Variants in SH3RF3 observed in about 807,000 individuals in gnomAD.
SH3RF3 encodes E3 ubiquitin-protein ligase SH3RF3.
SH3RF3 carries 29 observed loss-of-function variants against 66.3 expected under a neutral mutation model. The ratio of observed to expected loss-of-function variants is 0.44; its 90% CI spans 0.33 to 0.60. The LOEUF (loss-of-function observed/expected upper bound fraction) is 0.60. SH3RF3 is among the 20% of genes least tolerant of loss of function. The pLI, the probability that SH3RF3 is intolerant of heterozygous loss-of-function variation, is 0.04. For missense variants in SH3RF3, 1,194 were observed against 1,190.9 expected (o/e 1.00, Z -0.04); for synonymous variants, 583 against 532.0 (o/e 1.10, Z -1.32).
At chr2:109,419,322 G>T (rs1212107117) in intron 4 of SH3RF3, among the ~76,000 whole-genome samples, 2 of 152,182 alleles carry the variant, frequency 1.3e-5, no homozygotes. Context: ...TCCCTGAGCT[G>T]CTGGGAAGGG....
chr2:109,477,925 T>C (rs1198267820), intron 8 of SH3RF3, among the ~76,000 whole-genome samples: 2 of 152,202 alleles, frequency 1.3e-5, no homozygotes, highest in African/African-American at 4.8e-5. Flanking sequence ...ACCCTTGGCA[T>C]GGACCTGCAG....
intron 1 of SH3RF3, among the ~76,000 whole-genome samples, chr2:109,249,465 T>TCC (rs1680004644): frequency 8.0e-6 from 1 of 125,646 alleles, no homozygotes; most frequent in Admixed American, 8.2e-5. Flanking sequence ...CTTTCTCTCT[T>TCC]TCTCTTTCTT....
chr2:109,288,330 G>T (rs571150511), intron 1 of SH3RF3, among the ~76,000 whole-genome samples: 1 of 152,194 alleles, frequency 6.6e-6, no homozygotes, highest in Non-Finnish European at 1.5e-5. Flanking sequence ...CCGGGGAGTT[G>T]CCCATAGTTC....
intron 3 of SH3RF3, among the ~76,000 whole-genome samples, chr2:109,381,545 C>A (rs1211575654): frequency 6.6e-6 from 1 of 152,098 alleles, no homozygotes; most frequent in African/African-American, 2.4e-5. Flanking sequence ...TGCCCTGACT[C>A]AGCTTCCAGT....
intron 1 of SH3RF3, among the ~76,000 whole-genome samples, chr2:109,246,349 CCA>C (rs1243354733): frequency 1.3e-5 from 2 of 152,134 alleles, no homozygotes; most frequent in Non-Finnish European, 2.9e-5. Flanking sequence ...CTGTGTCCTC[CCA>C]TGGTAGAGGG....
intron 3 of SH3RF3, among the ~76,000 whole-genome samples, chr2:109,394,929 G>A (rs1189333235): frequency 2.0e-5 from 3 of 152,252 alleles, no homozygotes; most frequent in Admixed American, 6.5e-5. Context: ...CCGCCGTCCC[G>A]CACAGGCACT....
At chr2:109,476,444 C>G (rs1678685502) in intron 8 of SH3RF3, among the ~76,000 whole-genome samples, 1 of 152,214 alleles carries the variant, frequency 6.6e-6, no homozygotes, top group African/African-American at 2.4e-5. Context: ...TAGTAGTACT[C>G]AAATCCCATC....
intron 8 of SH3RF3, among the ~76,000 whole-genome samples, chr2:109,465,349 G>T (rs1207091711): frequency 1.3e-5 from 2 of 152,204 alleles, no homozygotes; most frequent in African/African-American, 2.4e-5. Flanking sequence ...TTAGGAGTAT[G>T]TAAGAGTATG....
chr2:109,276,992 G>A lies in SH3RF3; in HGVS notation c.574-70682G>A, dbSNP rs148639050. 4.1e-3 allele frequency among the ~76,000 whole-genome samples: 629 copies of A among 152,234 alleles called. 2 individuals carry two copies. The highest frequency in any genetic ancestry group is 0.014 in the African/African-American group (585 of 41,542). ...GGCTTCTCCCTGAAAGGAGCAGTGG[G>A]CAAATGGACAGAATCAACAGACTTC... On this transcript the variant is annotated intron_variant, in intron 1 of 9. Transcript: ENST00000309415.
intron 1 of SH3RF3, among the ~76,000 whole-genome samples, chr2:109,164,650 A>G (rs960915534): frequency 9.2e-5 from 14 of 152,198 alleles, no homozygotes; most frequent in South Asian, 6.2e-4. Context: ...GGAGGGGGAA[A>G]AAAGAGCACT....
At chr2:109,170,244 T>TTCTCTTCTCTTCTCTTCTTCTC (rs1677733451) in intron 1 of SH3RF3, among the ~76,000 whole-genome samples, 1 of 32,966 alleles carries the variant, frequency 3.0e-5, no homozygotes, top group African/African-American at 1.1e-4. Context: ...CTTCTTTTCT[T>TTCTCTTCTCTTCTCTTCTTCTC]TTCTCTTCTC....
rs1044691181 is a variant in SH3RF3, at chr2:109,335,830, A to C, written c.574-11844A>C. ...CTTACGCGGCTGTAGAGAGGATAAG[A>C]ATGAAAGTTAAATAAAGCCTATGAA... On this transcript the variant is annotated intron_variant, in intron 1 of 9. Transcript: ENST00000309415. Among the ~76,000 whole-genome samples, 6 of 152,330 alleles carry C rather than the reference A, an allele frequency of 3.9e-5. No homozygotes were observed. In the South Asian group the frequency reaches 1.2e-3, roughly 32 times the overall value.
chr2:109,267,981 G>T (rs894994987), intron 1 of SH3RF3, among the ~76,000 whole-genome samples: 3 of 151,968 alleles, frequency 2.0e-5, no homozygotes, highest in Non-Finnish European at 4.4e-5. Context: ...TGCTGCAGTT[G>T]TGCGGGTGAA....
At chr2:109,168,529 ATCT>A (rs1558937238) in intron 1 of SH3RF3, among the ~76,000 whole-genome samples, 1 of 152,356 alleles carries the variant, frequency 6.6e-6, no homozygotes, top group African/African-American at 2.4e-5. Flanking sequence ...CTTCTGCAAC[ATCT>A]TCTTACACTT....
chr2:109,484,682 GA>G (rs756655678), intron 8 of SH3RF3, among the ~76,000 whole-genome samples: 5 of 152,126 alleles, frequency 3.3e-5, no homozygotes, highest in Non-Finnish European at 7.4e-5. Context: ...AAATTAAAAA[GA>G]AACTCACAAG....
intron 5 of SH3RF3, among the ~76,000 whole-genome samples, chr2:109,430,664 G>GC (rs1677183323): frequency 6.6e-6 from 1 of 152,148 alleles, no homozygotes; most frequent in African/African-American, 2.4e-5. Flanking sequence ...TTTTCCCTTA[G>GC]TGGTATTTCC....
At chr2:109,258,838 C>T (rs1012350325) in intron 1 of SH3RF3, among the ~76,000 whole-genome samples, 10 of 152,308 alleles carry the variant, frequency 6.6e-5, no homozygotes, top group African/African-American at 1.4e-4. Context: ...GGGGCAGTGA[C>T]CTGTGCTGAT....
intron 8 of SH3RF3, among the ~76,000 whole-genome samples, chr2:109,452,995 GCTGGTCCCCGGGAAA>G (rs1677931002): frequency 6.6e-6 from 1 of 151,666 alleles, no homozygotes; most frequent in Admixed American, 6.6e-5. Context: ...TTCCCGGGAG[GCTGGTCCCCGGGAAA>G]CTGGTCCCCG....
At chr2:109,321,698 A>G (rs1432417359) in intron 1 of SH3RF3, among the ~76,000 whole-genome samples, 1 of 152,190 alleles carries the variant, frequency 6.6e-6, no homozygotes, top group South Asian at 2.1e-4. Context: ...ATAAGTGTCA[A>G]CCCTGGCCCC....
Sources: allele counts gnomAD v4.1 joint callset (sites outside exome capture counted in the v4.1 genomes callset), GRCh38; gene constraint gnomAD v4.1.1; transcripts MANE v1.5; gene names NCBI Gene and HGNC (gene_info 2026-07-23, HGNC 2026-07-21).